Variants in AKAP6 observed in about 807,000 individuals in gnomAD.
AKAP6 encodes the protein A-kinase anchor protein 6.
AKAP6 carries 58 observed loss-of-function variants against 188.5 expected under a neutral mutation model. The observed-to-expected ratio is 0.31, with a 90% CI of 0.25 to 0.38. The LOEUF is 0.38. Among genes scored for constraint, AKAP6 ranks in the 10% least tolerant of loss-of-function variants. AKAP6 has a pLI of 1.00. For synonymous variants in AKAP6, 989 were observed against 998.6 expected (o/e 0.99, Z 0.18); for missense variants, 2,710 against 2,740.0 (o/e 0.99, Z 0.24).
chr14:32,732,764 C>T, intron 10 of AKAP6, 164 bp downstream of exon 10: 5 of 817,018 alleles, frequency 6.1e-6, no homozygotes, highest in Non-Finnish European at 9.4e-6. Context: ...CACTGCTTTT[C>T]CTCTTCTGTT....
chr14:32,614,756 A>C (rs1410955114), intron 7 of AKAP6, among the ~76,000 whole-genome samples: 5 of 152,116 alleles, frequency 3.3e-5, no homozygotes, highest in African/African-American at 1.2e-4. Context: ...CAGCCAGTGA[A>C]TCACAGTTAG....
chr14:32,576,289 C>A (rs918240660), intron 4 of AKAP6, among the ~76,000 whole-genome samples: 11 of 152,080 alleles, frequency 7.2e-5, no homozygotes, highest in Non-Finnish European at 1.5e-4. Context: ...CCAGGTGGTG[C>A]TGTTTACCCA....
chr14:32,458,892 G>T (rs979105811), intron 2 of AKAP6, among the ~76,000 whole-genome samples: 39 of 152,228 alleles, frequency 2.6e-4, no homozygotes, highest in African/African-American at 8.9e-4. Context: ...GGAATGCAAG[G>T]ACAAAATAAT....
At chr14:32,579,920 T>G (rs2139276226) in intron 5 of AKAP6, among the ~76,000 whole-genome samples, 1 of 152,224 alleles carries the variant, frequency 6.6e-6, no homozygotes, top group South Asian at 2.1e-4. Context: ...GCTACACAAG[T>G]TTCTTTAAAC....
At chr14:32,410,437 A>C (rs1320650332) in intron 1 of AKAP6, among the ~76,000 whole-genome samples, 1 of 152,094 alleles carries the variant, frequency 6.6e-6, no homozygotes, top group Non-Finnish European at 1.5e-5. Context: ...TTCCAAACCA[A>C]TGTACATCTT....
At chr14:32,718,630 G>A (rs866829889) in intron 9 of AKAP6, among the ~76,000 whole-genome samples, 4 of 152,084 alleles carry the variant, frequency 2.6e-5, no homozygotes, top group East Asian at 1.9e-4. Flanking sequence ...TGTGTTAACC[G>A]TTCATGGCCA....
chr14:32,481,416 G>A (rs920477908), intron 2 of AKAP6, among the ~76,000 whole-genome samples: 3 of 152,112 alleles, frequency 2.0e-5, no homozygotes, highest in Admixed American at 6.6e-5. Flanking sequence ...ACATACCCGG[G>A]ACTGGGTAAT....
intron 11 of AKAP6, among the ~76,000 whole-genome samples, chr14:32,738,247 G>T (rs1318603435): frequency 6.6e-6 from 1 of 152,028 alleles, no homozygotes; most frequent in Non-Finnish European, 1.5e-5. Context: ...CCTTCAGAGA[G>T]AAAAGAAAAT....
intron 7 of AKAP6, among the ~76,000 whole-genome samples, chr14:32,619,928 A>C (rs1886744998): frequency 6.6e-6 from 1 of 151,640 alleles, no homozygotes; most frequent in African/African-American, 2.4e-5. Context: ...GTTTTATTTT[A>C]TTTCATTTGC....
chr14:32,416,700 G>A (rs1279008531), intron 1 of AKAP6, among the ~76,000 whole-genome samples: 1 of 151,694 alleles, frequency 6.6e-6, no homozygotes, highest in Admixed American at 6.6e-5. Context: ...GATTACAGGT[G>A]CCCACCACCA....
intron 2 of AKAP6, among the ~76,000 whole-genome samples, chr14:32,442,129 A>G (rs1890595010): frequency 6.6e-6 from 1 of 152,222 alleles, no homozygotes; most frequent in South Asian, 2.1e-4. Context: ...AATATATACT[A>G]GGAGTCTTAC....
intron 2 of AKAP6, chr14:32,495,535 T>G (rs2138962331): frequency 6.6e-6 from 1 of 152,320 alleles, no homozygotes; most frequent in East Asian, 1.9e-4. Context: ...TGGACACTGC[T>G]TCACTCCCTA....
rs774525648 is a variant in AKAP6, at chr14:32,696,161, C to T, written c.3000+51C>T. On this transcript the variant is annotated intron_variant, in intron 9 of 13. Transcript: ENST00000280979. ...CCTTGCTGTGGAAGATCTGATTAGC[C>T]TGACAAGTCTCTCTCTCTCTCTCAG... The T allele has an allele frequency of 7.7e-6, 12 of 1,557,420 alleles. 1 individual carries two copies. The South Asian group carries it at 1.5e-4, about 19-fold the overall frequency.
intron 7 of AKAP6, among the ~76,000 whole-genome samples, chr14:32,614,054 C>T (rs1341894683): frequency 6.6e-6 from 1 of 151,860 alleles, no homozygotes; most frequent in African/African-American, 2.4e-5. Context: ...TGAAAATTTC[C>T]CCTCATTTTT....
intron 2 of AKAP6, chr14:32,442,303 G>A (rs1197545360): frequency 4.6e-5 from 7 of 152,182 alleles, no homozygotes; most frequent in African/African-American, 1.7e-4. Context: ...TTGTACAGAT[G>A]TGAGAAATTT....
At position 32,545,618 on chromosome 14, in the gene AKAP6, C is replaced by T; in HGVS notation, c.965C>T (p.Thr322Ile). 6.2e-7 allele frequency: 1 copy of T among 1,614,172 alleles called. No individual in the cohort carries two copies. Among genetic ancestry groups the T allele is most frequent in the East Asian group, 2.2e-5 (1 of 44,886 alleles). Residue 322 changes from threonine to isoleucine, a missense_variant, in exon 4 of 14, where the codon ACA becomes ATA. Thr to Ile is a moderately conservative substitution (Grantham distance 89). This residue lies in a region of AKAP6 where 2,473 missense variants were observed against 2,426.1 expected (regional missense o/e 1.02). Coordinates refer to ENST00000280979, the MANE Select transcript of AKAP6 (RefSeq NM_004274.5). Reference protein sequence around the residue: ...ASAVEEQPGLTLGVSSSSGEA... With the variant: ...ASAVEEQPGLILGVSSSSGEA... ...GCAGTCGAAGAGCAACCAGGCTTAA[C>T]ACTGGGGGTGTCATCATCTTCAGGA...
At chr14:32,816,433 C>T (rs377686809) in intron 12 of AKAP6, among the ~76,000 whole-genome samples, 3 of 152,118 alleles carry the variant, frequency 2.0e-5, no homozygotes, top group South Asian at 2.1e-4. Context: ...TGGGTTCAAG[C>T]GATCCTCCTG....
intron 2 of AKAP6, among the ~76,000 whole-genome samples, chr14:32,471,152 A>G (rs1040947200): frequency 6.6e-6 from 1 of 152,226 alleles, no homozygotes; most frequent in African/African-American, 2.4e-5. Context: ...TCCATTCAAC[A>G]TTTCAAATTA....
intron 2 of AKAP6, among the ~76,000 whole-genome samples, chr14:32,527,431 A>C (rs941251617): frequency 5.3e-5 from 8 of 152,240 alleles, no homozygotes; most frequent in Admixed American, 5.2e-4. Flanking sequence ...ATCTGTGTGC[A>C]GGTTTTTCTG....
Sources: gnomAD v4.1 joint callset for allele counts (sites outside exome capture counted in the v4.1 genomes callset) on GRCh38, gnomAD v4.1.1 for gene constraint, gnomAD v4.1.1 regional missense constraint, MANE v1.5 for transcripts, NCBI Gene and HGNC (gene_info 2026-07-23, HGNC 2026-07-21) for gene names.